The following SYT9 variants were observed in gnomAD, a reference collection of about 807,000 sequenced individuals.
The protein encoded by SYT9 is synaptotagmin 9.
SYT9 carries 22 observed loss-of-function variants against 48.4 expected under a neutral mutation model. That is an observed-to-expected ratio of 0.45 (90% CI 0.32 to 0.65). The LOEUF (loss-of-function observed/expected upper bound fraction) is 0.65, where lower values mean the gene tolerates loss of function less well. Ranked by LOEUF, SYT9 falls within the 30% of genes least tolerant of loss-of-function variation. SYT9 has a pLI of 0.03. For missense variants in SYT9, 577 were observed against 622.0 expected (o/e 0.93, Z 0.77); for synonymous variants, 265 against 245.0 (o/e 1.08, Z -0.76).
chr11:7,403,487 G>A (rs1564891324), intron 3 of SYT9, among the ~76,000 whole-genome samples: 3 of 152,164 alleles, frequency 2.0e-5, no homozygotes, highest in Non-Finnish European at 4.4e-5. Flanking sequence ...AGGAGATTGA[G>A]GCTGCAGTGA....
At chr11:7,460,626 T>C (rs1234624387) in intron 6 of SYT9, among the ~76,000 whole-genome samples, 1 of 152,186 alleles carries the variant, frequency 6.6e-6, no homozygotes, top group Non-Finnish European at 1.5e-5. Flanking sequence ...ATAATAGATT[T>C]TCCTAAGCAT....
At chr11:7,331,200 A>G (rs1451103623) in intron 3 of SYT9, among the ~76,000 whole-genome samples, 2 of 84,720 alleles carry the variant, frequency 2.4e-5, no homozygotes. Flanking sequence ...AACATTAAAA[A>G]ATGTGCAAAA....
chr11:7,400,673 G>C (rs935849148), intron 3 of SYT9, among the ~76,000 whole-genome samples: 1 of 152,114 alleles, frequency 6.6e-6, no homozygotes, highest in Non-Finnish European at 1.5e-5. Context: ...AAATCAAAGA[G>C]AGACTTCTAA....
intron 1 of SYT9, among the ~76,000 whole-genome samples, chr11:7,239,543 G>A (rs1204515443): frequency 6.6e-6 from 1 of 152,146 alleles, no homozygotes; most frequent in Non-Finnish European, 1.5e-5. Flanking sequence ...CGGGAAAAAA[G>A]TCATACTCCC....
chr11:7,405,329 G>A lies in SYT9; in HGVS notation c.1045-10713G>A, dbSNP rs372779212. ...ACACACCCTCCTCCACAGTTGTGACGAGCAAAAATTCCTCCAGATAGTGTC... is the reference window on the plus strand; with the variant it reads ...ACACACCCTCCTCCACAGTTGTGACAAGCAAAAATTCCTCCAGATAGTGTC... On this transcript the variant is annotated intron_variant, in intron 3 of 6. Coordinates refer to ENST00000318881, the MANE Select transcript of SYT9 (RefSeq NM_175733.4). 4.5e-4 allele frequency among the ~76,000 whole-genome samples: 68 copies of A among 152,062 alleles called. No homozygotes were observed. In the South Asian group the frequency reaches 0.014, roughly 31 times the overall value.
chr11:7,464,849 G>T (rs910540325), intron 6 of SYT9, among the ~76,000 whole-genome samples: 1 of 152,060 alleles, frequency 6.6e-6, no homozygotes, highest in Non-Finnish European at 1.5e-5. Context: ...TTGGGAGGCC[G>T]AGGCGGGCGG....
chr11:7,426,088 T>C (rs1847451492), intron 6 of SYT9, among the ~76,000 whole-genome samples: 3 of 152,332 alleles, frequency 2.0e-5, no homozygotes, highest in South Asian at 4.1e-4. Context: ...TTCCAGGTTA[T>C]GTCAGTCTCT....
At chr11:7,331,254 C>A in intron 3 of SYT9, among the ~76,000 whole-genome samples, 1 of 62,932 alleles carries the variant, frequency 1.6e-5, no homozygotes, top group Non-Finnish European at 3.4e-5. Flanking sequence ...TACCAGTCAA[C>A]TGGTGGTAGC....
intron 6 of SYT9, among the ~76,000 whole-genome samples, chr11:7,446,651 C>T (rs1277169062): frequency 1.3e-5 from 2 of 152,196 alleles, no homozygotes; most frequent in East Asian, 3.9e-4. Context: ...CCCTCCCTGG[C>T]CATCCCCCCC....
At chr11:7,421,153 T>G (rs1264762586) in intron 6 of SYT9, among the ~76,000 whole-genome samples, 3 of 152,152 alleles carry the variant, frequency 2.0e-5, no homozygotes, top group African/African-American at 7.2e-5. Flanking sequence ...CTCTCTTATA[T>G]ACAAAAAGTC....
chr11:7,335,807 T>C (rs1367598766), intron 3 of SYT9, among the ~76,000 whole-genome samples: 1 of 152,188 alleles, frequency 6.6e-6, no homozygotes, highest in African/African-American at 2.4e-5. Flanking sequence ...GCAACGAATA[T>C]ACACATGCAT....
At chr11:7,437,172 T>C (rs4508189) in intron 6 of SYT9, among the ~76,000 whole-genome samples, 95,288 of 152,022 alleles carry the variant, frequency 0.63, 30,518 homozygotes, top group African/African-American at 0.75. Context: ...AGAGATAGCC[T>C]AAGTTTCTCA....
chr11:7,396,817 G>T (rs1222772673), intron 3 of SYT9, among the ~76,000 whole-genome samples: 1 of 152,012 alleles, frequency 6.6e-6, no homozygotes, highest in Non-Finnish European at 1.5e-5. Context: ...ATTTAATTTT[G>T]ATAAAGTAAG....
intron 3 of SYT9, among the ~76,000 whole-genome samples, chr11:7,319,847 G>T (rs908570486): frequency 2.6e-5 from 4 of 152,308 alleles, no homozygotes; most frequent in Admixed American, 2.6e-4. Flanking sequence ...TCCAGCTGCA[G>T]AGTTTACTTA....
At chr11:7,466,360 GTC>G (rs1390189318) in intron 6 of SYT9, among the ~76,000 whole-genome samples, 1 of 152,150 alleles carries the variant, frequency 6.6e-6, no homozygotes, top group African/African-American at 2.4e-5. Context: ...CAGGGGGAGT[GTC>G]CTACTTATGG....
chr11:7,434,153 T>C (rs1450056449), intron 6 of SYT9, among the ~76,000 whole-genome samples: 1 of 152,164 alleles, frequency 6.6e-6, no homozygotes, highest in Non-Finnish European at 1.5e-5. Context: ...TCAAACACAA[T>C]CTGTAAAGAC....
At position 7,420,495 on chromosome 11, in the gene SYT9, C is replaced by T; in HGVS notation, c.1338-11C>T. 1 of 1,613,322 alleles carries T rather than the reference C, an allele frequency of 6.2e-7. No individual in the cohort carries two copies. Among genetic ancestry groups the T allele is most frequent in the Admixed American group, 1.7e-5 (1 of 59,922 alleles). Reference sequence around the variant, plus strand: ...ATTTTAAGAAAAAACTATTGTGGGCCATTTTCACAGTGTAGGTCACAATGA... The same window carrying T: ...ATTTTAAGAAAAAACTATTGTGGGCTATTTTCACAGTGTAGGTCACAATGA... On this transcript the variant is annotated splice_polypyrimidine_tract_variant and intron_variant, in intron 5 of 6. Transcript: ENST00000318881.
At chr11:7,341,644 G>C (rs1849715457) in intron 3 of SYT9, among the ~76,000 whole-genome samples, 1 of 152,092 alleles carries the variant, frequency 6.6e-6, no homozygotes, top group Non-Finnish European at 1.5e-5. Flanking sequence ...ATAGCAGTAT[G>C]AAAATGGACT....
chr11:7,360,845 T>C (rs1850121222), intron 3 of SYT9, among the ~76,000 whole-genome samples: 1 of 152,192 alleles, frequency 6.6e-6, no homozygotes, highest in African/African-American at 2.4e-5. Flanking sequence ...AGAGGGCTTT[T>C]TGAGGTGGGT....
Sources: gnomAD v4.1 joint callset for allele counts (sites outside exome capture counted in the v4.1 genomes callset) on GRCh38, gnomAD v4.1.1 for gene constraint, MANE v1.5 for transcripts, NCBI Gene and HGNC (gene_info 2026-07-23, HGNC 2026-07-21) for gene names.